Variants in ABCA2 observed in about 807,000 individuals in gnomAD.
ABCA2 encodes the protein ATP binding cassette subfamily A member 2, also known as ATP-binding cassette sub-family A member 2.
Under a neutral mutation model 262.8 loss-of-function variants are expected in ABCA2, and 84 were observed. The ratio of observed to expected loss-of-function variants is 0.32; its 90% CI spans 0.27 to 0.38. ABCA2 has a LOEUF of 0.38. Among genes scored for constraint, ABCA2 ranks in the 10% least tolerant of loss-of-function variants. The pLI, the probability that ABCA2 is intolerant of heterozygous loss-of-function variation, is 1.00. For missense variants in ABCA2, 2,662 were observed against 3,405.9 expected (o/e 0.78, Z 5.44); for synonymous variants, 1,696 against 1,502.9 (o/e 1.13, Z -2.97).
Position 137,014,242 on chromosome 9 carries a change from C to T in ABCA2, c.4166G>A (p.Gly1389Asp). ...VGSARGDEGA[G>D]YTDVYGDYRP... ...GTAGTCGCCATAGACGTCGGTGTAG[C>T]CAGCTCCCTCGTCGCCACGGGCAGA... Residue 1389 changes from glycine (G) to aspartate (D), a missense_variant, in exon 27 of 49, where the codon GGC (glycine) becomes GAC (aspartate). By Grantham distance (94) the Gly-to-Asp change is moderately conservative. Around this residue, in one of 12 missense-constraint regions of ABCA2, gnomAD observed 297 missense variants for 286.5 expected, o/e 1.04. Transcript: ENST00000341511. 2 of 1,610,588 alleles carry T rather than the reference C, an allele frequency of 1.2e-6. No homozygotes were observed. The highest frequency in any genetic ancestry group is 1.7e-6 in the Non-Finnish European group (2 of 1,179,030).
chr9:137,024,283 C>A, intron 1 of ABCA2, 47 bp from the exon 2 acceptor site: 1 of 1,501,224 alleles, frequency 6.7e-7, no homozygotes. Context: ...CTGTGCTCGC[C>A]TAGGCCCTCC....
Position 137,021,972 on chromosome 9 carries a change from AGAT to A in ABCA2, c.594_596del (p.Ser199del), listed in dbSNP as rs1335626262. On this transcript the variant is annotated inframe_deletion, in exon 7 of 49. Transcript: ENST00000341511. This position sits in a 1 kb window ranked among gnomAD's most constrained non-coding sequence, Gnocchi z 6.0. ...GGAGGCCAGACTGTGAATCCAGGGC[AGAT>A]GAGGGACCAAAGAGCAGGTGGTAGA... 2.5e-6 allele frequency: 4 copies of A among 1,590,940 alleles called. No individual in the cohort carries two copies. Among genetic ancestry groups the A allele is most frequent in the Non-Finnish European group, 3.4e-6 (4 of 1,172,592 alleles).
At chr9:137,010,409 C>T (rs896659999) in intron 40 of ABCA2, 38 bp from the exon 41 acceptor site, 1 of 1,544,010 alleles carries the variant, frequency 6.5e-7, no homozygotes, top group African/African-American at 1.4e-5. Context: ...GGCATCCTGC[C>T]CCCACCCTGC....
Position 137,012,395 on chromosome 9 carries a change from A to G in ABCA2, c.5188-19T>C. ...AGAAAACCTGCAGAAGGAAGAGGAC[A>G]CAGAAAGGCCCCAGGACCTCAGACC... On this transcript the variant is annotated intron_variant, in intron 32 of 48. Coordinates refer to ENST00000341511, the MANE Select transcript of ABCA2 (RefSeq NM_001606.5). The G allele has an allele frequency of 6.2e-7, 1 of 1,610,342 alleles. No homozygotes were observed.
At position 137,013,164 on chromosome 9, in the gene ABCA2, C is replaced by T; in HGVS notation, c.4705G>A (p.Ala1569Thr). The T allele has an allele frequency of 6.2e-7, 1 of 1,600,662 alleles. No homozygotes were observed. ...AGACACATGCTGTCGAAGAACCGAG[C>T]CGCCAGCAGGCGCGACTCCCCGCTG... ...LSSGESRLLAARFFDSMCLES... is the reference protein window; with the variant it reads ...LSSGESRLLATRFFDSMCLES... Residue 1569 changes from alanine to threonine, a missense_variant, in exon 30 of 49, where the codon GCT becomes ACT. By Grantham distance (58) the Ala-to-Thr change is moderately conservative. Transcript: ENST00000341511.
chr9:137,014,915 G>C lies in ABCA2; in HGVS notation c.3880C>G (p.Gln1294Glu), dbSNP rs1363975932. The change falls in exon 25 of 49, where the codon CAG becomes GAG. Residue 1294 changes from glutamine to glutamate, a missense_variant and splice_region_variant. By Grantham distance (29) the Gln-to-Glu change is conservative. Around this residue, in one of 12 missense-constraint regions of ABCA2, gnomAD observed 297 missense variants for 286.5 expected, o/e 1.04. Transcript: ENST00000341511. Reference sequence around the variant, plus strand: ...CCCCGACCCGTGCGCCCTCACACCTGGAAGAGGCGCTCGAAAGCCCCCTTC... The same window carrying C: ...CCCCGACCCGTGCGCCCTCACACCTCGAAGAGGCGCTCGAAAGCCCCCTTC... ...AKKGAFERLF[Q>E]HLERSLDALH... 6.4e-7 allele frequency: 1 copy of C among 1,572,384 alleles called. No individual in the cohort carries two copies.
rs534226626 is a variant in ABCA2, at chr9:137,017,426, G to A, written c.2402+76C>T. 1.1e-5 allele frequency: 17 copies of A among 1,599,898 alleles called. No homozygotes were observed. The African/African-American group carries it at 1.3e-4, about 13-fold the overall frequency. ...GGCAGGCCCGTGCCAGGGTCCAGGG[G>A]GCTCTGAGAGGATGTGGGGTGAGCT... On this transcript the variant is annotated intron_variant, in intron 17 of 48. Transcript: ENST00000341511.
At chr9:137,009,089 C>G in intron 45 of ABCA2, 36 bp from the exon 46 acceptor site, 1 of 1,585,758 alleles carries the variant, frequency 6.3e-7, no homozygotes, top group Non-Finnish European at 8.5e-7. Context: ...AGCCCTGCGC[C>G]GCCCAGCCAG....
At chr9:137,022,653 A>T in intron 5 of ABCA2, 49 bp downstream of exon 5, 1 of 1,582,500 alleles carries the variant, frequency 6.3e-7, no homozygotes, top group Admixed American at 1.8e-5. Flanking sequence ...CAGTGACAGC[A>T]GAGCTTTGCC....
chr9:137,011,496 C>A lies in ABCA2; in HGVS notation c.5710G>T (p.Ala1904Ser), dbSNP rs1320742662. The change falls in exon 37 of 49, where the codon GCC becomes TCC. Residue 1904 changes from alanine (A) to serine (S), a missense_variant. Physicochemically the swap from Ala to Ser is moderately conservative, Grantham distance 99. This residue lies in a region of ABCA2 where 602 missense variants were observed against 897.4 expected (regional missense o/e 0.67). Coordinates refer to ENST00000341511, the MANE Select transcript of ABCA2 (RefSeq NM_001606.5). The surrounding 1 kb of genome is among the most constrained non-coding windows in gnomAD (Gnocchi z 8.8). Reference sequence around the variant, plus strand: ...TTGATGACAATGAGGAACACGTAGGCGGAGCTGGGGACCTCGAACCAGAAG... The same window carrying A: ...TTGATGACAATGAGGAACACGTAGGAGGAGCTGGGGACCTCGAACCAGAAG... ...ASFWFEVPSSAYVFLIVINLF... is the reference protein window; with the variant it reads ...ASFWFEVPSSSYVFLIVINLF... 6.2e-7 allele frequency: 1 copy of A among 1,603,998 alleles called. No individual in the cohort carries two copies.
At position 137,014,248 on chromosome 9, in the gene ABCA2, C is replaced by A. The variant is rs770169933; in HGVS notation, c.4160G>T (p.Gly1387Val). Reference protein sequence around the residue: ...SSVGSARGDEGAGYTDVYGDY... With the variant: ...SSVGSARGDEVAGYTDVYGDY... ...GCCATAGACGTCGGTGTAGCCAGCT[C>A]CCTCGTCGCCACGGGCAGAGCCCAC... Residue 1387 changes from glycine to valine, a missense_variant, in exon 27 of 49, where the codon GGA becomes GTA. Gly to Val is a moderately radical substitution (Grantham distance 109). Coordinates refer to ENST00000341511, the MANE Select transcript of ABCA2 (RefSeq NM_001606.5). The A allele has an allele frequency of 6.2e-7, 1 of 1,610,692 alleles. No individual in the cohort carries two copies. Among genetic ancestry groups the A allele is most frequent in the Non-Finnish European group, 8.5e-7 (1 of 1,179,086 alleles).
chr9:137,028,753 C>G (rs759314489), upstream of ABCA2: 2 of 1,284,196 alleles, frequency 1.6e-6, no homozygotes, highest in Non-Finnish European at 2.0e-6. The surrounding 1 kb of genome is among the most constrained non-coding windows in gnomAD (Gnocchi z 6.9). Context: ...GGGTCCGTCC[C>G]GCGATTCCGA....
Position 137,019,117 on chromosome 9 carries a change from C to T in ABCA2, c.1555-47G>A, listed in dbSNP as rs367941523. On this transcript the variant is annotated intron_variant, in intron 11 of 48. Transcript: ENST00000341511. This position sits in a 1 kb window ranked among gnomAD's most constrained non-coding sequence, Gnocchi z 4.4. ...AGAGGGGGACCTGCGCCTGCCGAGC[C>T]GGGCAGAGAGGGGCTCCCCACACCA... 22 of 1,602,202 alleles carry T rather than the reference C, an allele frequency of 1.4e-5. No homozygotes were observed. The highest frequency in any genetic ancestry group is 6.7e-5 in the African/African-American group (5 of 74,842).
rs529755142 is a variant in ABCA2 at position 137,011,681 on chromosome 9, C to G, written c.5604G>C (p.Thr1868=). 4 of 1,555,230 alleles carry G rather than the reference C, an allele frequency of 2.6e-6. No homozygotes were observed. The highest frequency in any genetic ancestry group is 1.7e-4 in the Middle Eastern group (1 of 5,996). ...GGACGGCAGGGAAGTTGGTGGGCGA[C>G]GTGTAGGCCGGCAGGTCGAACACAA... ...ILFVFDLPAY[T]SPTNFPAVLS... The change falls in exon 36 of 49, where the codon ACG becomes ACC. Residue 1868 remains threonine, a synonymous_variant. Transcript: ENST00000341511. This position sits in a 1 kb window ranked among gnomAD's most constrained non-coding sequence, Gnocchi z 8.8.
At chr9:137,012,200 C>T (rs1174654858) in intron 33 of ABCA2, 38 bp from the exon 34 acceptor site, 5 of 1,609,084 alleles carry the variant, frequency 3.1e-6, no homozygotes, top group Non-Finnish European at 4.2e-6. Flanking sequence ...CTTCAGGCCC[C>T]AGCTCCTCCC....
chr9:137,021,055 G>A lies in ABCA2; in HGVS notation c.904C>T (p.Leu302=). The A allele has an allele frequency of 6.8e-7, 1 of 1,477,360 alleles. No homozygotes were observed. Among genetic ancestry groups the A allele is most frequent in the African/African-American group, 1.4e-5 (1 of 70,920 alleles). The allele number at this position is 1,477,360 out of a possible 1,614,324, so 91.5% of individuals were successfully genotyped here. ...GAGTCCGAGCCGTTGGGGGCATCCA[G>A]GCCCAGCTGAGGGGAAACAGGCACG... ...DVAKVSQQLG[L]DAPNGSDSSP... Residue 302 remains leucine, a synonymous_variant, in exon 9 of 49, where the codon CTG becomes TTG. Coordinates refer to ENST00000341511, the MANE Select transcript of ABCA2 (RefSeq NM_001606.5). The surrounding 1 kb of genome is among the most constrained non-coding windows in gnomAD (Gnocchi z 6.0).
chr9:137,022,830 A>G lies in ABCA2; in HGVS notation c.311T>C (p.Val104Ala), dbSNP rs757204687. ...TGGGTCAAACAGGTTGCCTTCCTCC[A>G]CCACGCGGTCCAGGCGCTCAAGCAG... ...TQLLERLDRV[V>A]EEGNLFDPAR... is the part of the protein sequence containing the mutation. The change falls in exon 5 of 49, where the codon GTG becomes GCG. Residue 104 changes from valine (V) to alanine (A), a missense_variant. Physicochemically the swap from Val to Ala is moderately conservative, Grantham distance 64 (BLOSUM62 0). Coordinates refer to ENST00000341511, the MANE Select transcript of ABCA2 (RefSeq NM_001606.5). 6.3e-6 allele frequency: 9 copies of G among 1,419,380 alleles called. No individual in the cohort carries two copies. In the South Asian group the frequency reaches 9.4e-5, roughly 15 times the overall value. The allele number at this position is 1,419,380 out of a possible 1,614,324, so 87.9% of individuals were successfully genotyped here.
At chr9:137,024,101 C>T (rs563490680) in intron 2 of ABCA2, 42 bp downstream of exon 2, 17 of 1,572,256 alleles carry the variant, frequency 1.1e-5, no homozygotes, top group Admixed American at 9.4e-5. Context: ...TGCGAGGTGC[C>T]GCGCTCCCCC....
chr9:137,011,206 T>G lies in ABCA2; in HGVS notation c.5903A>C (p.Asn1968Thr). 1.9e-6 allele frequency: 3 copies of G among 1,612,504 alleles called. No individual in the cohort carries two copies. Among genetic ancestry groups the G allele is most frequent in the Non-Finnish European group, 2.5e-6 (3 of 1,179,826 alleles). ...LMEMAYNEYI[N>T]EYYAKIGQFD... ...CTCACCAATCTTGGCGTAGTACTCG[T>G]TGATGTACTCGTTGTAGGCCATCTC... The change falls in exon 38 of 49, where the codon AAC becomes ACC. Residue 1968 changes from asparagine to threonine, a missense_variant. Around this residue, in one of 12 missense-constraint regions of ABCA2, gnomAD observed 602 missense variants for 897.4 expected, o/e 0.67. Transcript: ENST00000341511. This position sits in a 1 kb window ranked among gnomAD's most constrained non-coding sequence, Gnocchi z 8.8.
Sources: allele counts gnomAD v4.1 joint callset, GRCh38; gene constraint gnomAD v4.1.1; regional missense constraint gnomAD v4.1.1; non-coding constraint Gnocchi (gnomAD v3.1); transcripts MANE v1.5; gene names NCBI Gene and HGNC (gene_info 2026-07-23, HGNC 2026-07-21).